The following TEAD1 variants were observed in gnomAD, a reference collection of about 807,000 sequenced individuals.
TEAD1 encodes TEA domain transcription factor 1, also known as transcriptional enhancer factor TEF-1.
Under a neutral mutation model 54.9 loss-of-function variants are expected in TEAD1, and 9 were observed. The ratio of observed to expected loss-of-function variants is 0.16; its 90% CI spans 0.10 to 0.29. The LOEUF is 0.29. TEAD1 is among the 10% of genes least tolerant of loss of function. The pLI is 1.00. For synonymous variants in TEAD1, 200 were observed against 187.8 expected, an observed-to-expected ratio of 1.07 and a Z score of -0.53; for missense variants, 387 against 535.9, an observed-to-expected ratio of 0.72 and a Z score of 2.74.
At chr11:12,676,062 A>T (rs1295610847) in intron 2 of TEAD1, among the ~76,000 whole-genome samples, 1 of 152,210 alleles carries the variant, frequency 6.6e-6, no homozygotes, top group Non-Finnish European at 1.5e-5. Flanking sequence ...AGGAGCAGGG[A>T]ATGTAAAAAG....
Position 12,714,806 on chromosome 11 carries a change from G to A in TEAD1, c.-55+39245G>A, listed in dbSNP as rs56981333. On this transcript the variant is annotated intron_variant, in intron 2 of 12. Transcript: ENST00000527636. ...AATGGTCTTCTTGCTGTGTCCTTGG[G>A]TGGTCTCTCCTCTGTGTGTGTCCCT... Among the ~76,000 whole-genome samples, 342 of 152,210 alleles carry A rather than the reference G, an allele frequency of 2.2e-3. 3 individuals are homozygous for A. Among genetic ancestry groups the A allele is most frequent in the African/African-American group, 7.7e-3 (319 of 41,514 alleles).
chr11:12,683,743 G>A (rs546323091), intron 2 of TEAD1, among the ~76,000 whole-genome samples: 4 of 152,252 alleles, frequency 2.6e-5, no homozygotes, highest in South Asian at 2.1e-4. Context: ...TTGAAACTTG[G>A]CTGTGAGGAA....
chr11:12,881,496 C>T (rs990600009), intron 7 of TEAD1, among the ~76,000 whole-genome samples: 4 of 152,074 alleles, frequency 2.6e-5, no homozygotes, highest in East Asian at 3.9e-4. Flanking sequence ...AGGGCTATTT[C>T]GGGATAAAAG....
At chr11:12,859,466 C>T (rs1398888642) in intron 3 of TEAD1, among the ~76,000 whole-genome samples, 1 of 152,196 alleles carries the variant, frequency 6.6e-6, no homozygotes, top group East Asian at 1.9e-4. Context: ...CAGACATTGT[C>T]ATTTAGCTCT....
At chr11:12,850,886 G>A (rs1436665128) in intron 3 of TEAD1, among the ~76,000 whole-genome samples, 1 of 152,110 alleles carries the variant, frequency 6.6e-6, no homozygotes, top group East Asian at 1.9e-4. Context: ...CAGGGACATG[G>A]GTATAGGGCA....
chr11:12,821,381 G>T (rs971322699), intron 3 of TEAD1, among the ~76,000 whole-genome samples: 2 of 152,158 alleles, frequency 1.3e-5, no homozygotes, highest in African/African-American at 4.8e-5. Context: ...CATTAATAAT[G>T]TTTAATTGGA....
At chr11:12,707,399 T>C (rs928083144) in intron 2 of TEAD1, among the ~76,000 whole-genome samples, 1 of 152,202 alleles carries the variant, frequency 6.6e-6, no homozygotes, top group African/African-American at 2.4e-5. Flanking sequence ...AAGGCACATA[T>C]TCACGTTTAA....
chr11:12,803,895 T>G (rs1442495457), intron 3 of TEAD1, among the ~76,000 whole-genome samples: 1 of 152,236 alleles, frequency 6.6e-6, no homozygotes, highest in Non-Finnish European at 1.5e-5. Context: ...CCAACACTTG[T>G]CCTGAAGCAG....
chr11:12,698,658 CTT>C (rs2133835107), intron 2 of TEAD1, among the ~76,000 whole-genome samples: 1 of 152,146 alleles, frequency 6.6e-6, no homozygotes, highest in South Asian at 2.1e-4. Context: ...CCCCGTGTCT[CTT>C]TAACTAGAAA....
At chr11:12,797,913 A>T (rs949202552) in intron 3 of TEAD1, among the ~76,000 whole-genome samples, 3 of 151,946 alleles carry the variant, frequency 2.0e-5, no homozygotes, top group Admixed American at 6.6e-5. Flanking sequence ...CTCCTTTGGG[A>T]CATCTTTTGT....
chr11:12,735,184 G>A lies in TEAD1; in HGVS notation c.-54-28995G>A, dbSNP rs145801864. 2.3e-3 allele frequency among the ~76,000 whole-genome samples: 343 copies of A among 152,228 alleles called. 1 individual carries two copies. The highest frequency in any genetic ancestry group is 7.4e-3 in the African/African-American group (308 of 41,532). ...AGGACTTTAAAAATGTTTTTTCCGG[G>A]TTAGAAATACTGAGGGTTTCCATTC... On this transcript the variant is annotated intron_variant, in intron 2 of 12. Coordinates refer to ENST00000527636, the MANE Select transcript of TEAD1 (RefSeq NM_021961.6).
chr11:12,848,046 C>T (rs1947192198), intron 3 of TEAD1, among the ~76,000 whole-genome samples: 1 of 152,170 alleles, frequency 6.6e-6, no homozygotes. Context: ...TGAGCCAGAG[C>T]ATGGCAACCC....
intron 11 of TEAD1, among the ~76,000 whole-genome samples, chr11:12,928,789 T>C (rs1948952491): frequency 6.6e-6 from 1 of 152,234 alleles, no homozygotes. Flanking sequence ...TAACATGATG[T>C]TGTGAAATAT....
At chr11:12,891,974 C>T (rs1254344009) in intron 9 of TEAD1, among the ~76,000 whole-genome samples, 1 of 152,120 alleles carries the variant, frequency 6.6e-6, no homozygotes, top group African/African-American at 2.4e-5. Context: ...ACCTCCTGGA[C>T]GTGGATGTGG....
intron 2 of TEAD1, among the ~76,000 whole-genome samples, chr11:12,753,723 A>G (rs941834891): frequency 4.6e-5 from 7 of 152,212 alleles, no homozygotes; most frequent in African/African-American, 1.7e-4. Flanking sequence ...TCTTTCAAGA[A>G]AGCGAGTTCT....
chr11:12,748,116 C>T (rs1944786405), intron 2 of TEAD1, among the ~76,000 whole-genome samples: 1 of 152,106 alleles, frequency 6.6e-6, no homozygotes, highest in South Asian at 2.1e-4. Context: ...CACCCGTCAC[C>T]ACGCCCGGCT....
chr11:12,832,450 A>C (rs530113645), intron 3 of TEAD1, among the ~76,000 whole-genome samples: 11 of 152,222 alleles, frequency 7.2e-5, no homozygotes, highest in Non-Finnish European at 1.5e-4. Flanking sequence ...AATTTAATCT[A>C]TACATTCTTG....
chr11:12,826,439 A>G (rs151187379), intron 3 of TEAD1, among the ~76,000 whole-genome samples: 2 of 152,324 alleles, frequency 1.3e-5, no homozygotes, highest in East Asian at 1.9e-4. Context: ...TGGGGAATCC[A>G]TAGTGGTTTT....
chr11:12,855,100 T>C (rs921087632), intron 3 of TEAD1, among the ~76,000 whole-genome samples: 3 of 152,130 alleles, frequency 2.0e-5, no homozygotes, highest in African/African-American at 7.2e-5. Context: ...AAATGTTCTT[T>C]ACTGCTTCCT....
Sources: allele counts gnomAD v4.1 joint callset (sites outside exome capture counted in the v4.1 genomes callset), GRCh38; gene constraint gnomAD v4.1.1; transcripts MANE v1.5; gene names NCBI Gene and HGNC (gene_info 2026-07-23, HGNC 2026-07-21).